MID2: variants seen among roughly 807,000 people sequenced by gnomAD.
MID2 encodes probable E3 ubiquitin-protein ligase MID2.
A neutral mutation model predicts 46.1 loss-of-function variants in MID2; 13 were observed. The observed-to-expected ratio is 0.28, with a 90% CI of 0.18 to 0.45. MID2 has a LOEUF of 0.45. Among genes scored for constraint, MID2 ranks in the 20% least tolerant of loss-of-function variants. The probability of loss-of-function intolerance (pLI) is 1.00; values close to 1 mark genes in which losing one functional copy is unlikely to be tolerated. For missense variants in MID2, 431 were observed against 575.4 expected (o/e 0.75, Z 2.57); for synonymous variants, 199 against 212.3 (o/e 0.94, Z 0.55).
At position 107,825,967 on chromosome X, in the gene MID2, G is replaced by A. The variant is rs967837843; in HGVS notation, c.-460G>A. 7.5e-6 allele frequency: 2 copies of A among 266,939 alleles called. No individual in the cohort carries two copies. The highest frequency in any genetic ancestry group is 1.3e-5 in the Non-Finnish European group (2 of 151,773). The allele number at this position is 266,939 out of a possible 1,213,427, so 22.0% of individuals were successfully genotyped here. ...GGAAGGTGAGCCTGGGAAGGTGGCCGAGCACCCCTTCTTCTTGGGCCCTTC... is the reference window on the plus strand; with the variant it reads ...GGAAGGTGAGCCTGGGAAGGTGGCCAAGCACCCCTTCTTCTTGGGCCCTTC... On this transcript the variant is annotated 5_prime_UTR_variant, in exon 1 of 10. Transcript: ENST00000262843.
At chrX:107,885,486 G>A (rs1283048170) in intron 3 of MID2, among the ~76,000 whole-genome samples, 1 of 111,446 alleles carries the variant, frequency 9.0e-6, no homozygotes, top group Non-Finnish European at 1.9e-5. Flanking sequence ...ATTCCGTGGT[G>A]TATATGTGCC....
chrX:107,861,855 T>C (rs1931862627), intron 3 of MID2, among the ~76,000 whole-genome samples: 1 of 111,881 alleles, frequency 8.9e-6, no homozygotes, highest in African/African-American at 3.3e-5. Flanking sequence ...TGTCCAGCTT[T>C]ATCTCCAACC....
rs770631387 is a variant in MID2 at position 107,854,674 on chromosome X, C to A, written c.786C>A (p.Ala262=). The A allele has an allele frequency of 3.3e-6, 4 of 1,206,795 alleles. No individual in the cohort carries two copies. The African/African-American group carries it at 7.0e-5, about 21-fold the overall frequency. The change falls in exon 3 of 10, where the codon GCC becomes GCA. Residue 262 remains alanine, a synonymous_variant. Coordinates refer to ENST00000262843, the MANE Select transcript of MID2 (RefSeq NM_012216.4). The part of the protein sequence containing the change: ...KRNSELENQM[A]KLIQICQQVE... Reference sequence around the variant, plus strand: ...ACAGCGAACTAGAAAATCAAATGGCCAAACTAATACAGATCTGCCAGCAGG... The same window carrying A: ...ACAGCGAACTAGAAAATCAAATGGCAAAACTAATACAGATCTGCCAGCAGG...
chrX:107,858,863 G>A (rs754323119), intron 3 of MID2, among the ~76,000 whole-genome samples: 1 of 112,086 alleles, frequency 8.9e-6, no homozygotes, highest in Non-Finnish European at 1.9e-5. Flanking sequence ...GAAGCTCCAT[G>A]GGCAGGTTGA....
intron 7 of MID2, among the ~76,000 whole-genome samples, chrX:107,921,246 G>C (rs1376395542): frequency 3.6e-5 from 4 of 110,794 alleles, no homozygotes; most frequent in East Asian, 5.6e-4. Flanking sequence ...TCATTATACT[G>C]TTCCTTATTT....
intron 5 of MID2, among the ~76,000 whole-genome samples, chrX:107,908,169 C>T (rs964217617): frequency 8.9e-6 from 1 of 112,193 alleles, no homozygotes; most frequent in Non-Finnish European, 1.9e-5. Context: ...CCTTACATTT[C>T]TAAATAACAT....
chrX:107,895,218 G>C (rs954628663), intron 3 of MID2: 17 of 106,830 alleles, frequency 1.6e-4, no homozygotes, highest in Admixed American at 1.2e-3. Flanking sequence ...CTTTTTTTGG[G>C]GGGGGGGTGG....
intron 1 of MID2, among the ~76,000 whole-genome samples, chrX:107,828,865 T>A (rs1931027642): frequency 8.9e-6 from 1 of 112,283 alleles, no homozygotes; most frequent in Non-Finnish European, 1.9e-5. Flanking sequence ...AAGGGTTCTG[T>A]AAACCCTCAG....
chrX:107,908,016 AGAG>A (rs752420620), intron 5 of MID2, among the ~76,000 whole-genome samples: 3 of 112,226 alleles, frequency 2.7e-5, no homozygotes, highest in South Asian at 7.4e-4. Context: ...CGATGTTCAG[AGAG>A]GTTAAATAAC....
chrX:107,827,122 C>T (rs1406876896), intron 1 of MID2, among the ~76,000 whole-genome samples: 1 of 112,295 alleles, frequency 8.9e-6, no homozygotes, highest in Non-Finnish European at 1.9e-5. Context: ...TAAATAACGG[C>T]GGAGTAGATT....
chrX:107,922,899 TTG>T (rs1403575300), intron 7 of MID2, among the ~76,000 whole-genome samples: 1 of 111,982 alleles, frequency 8.9e-6, no homozygotes, highest in Non-Finnish European at 1.9e-5. Flanking sequence ...GTTTTCCTCT[TTG>T]TATTAAAATC....
At chrX:107,849,996 T>A (rs1486633974) in intron 2 of MID2, among the ~76,000 whole-genome samples, 1 of 112,191 alleles carries the variant, frequency 8.9e-6, no homozygotes, top group Non-Finnish European at 1.9e-5. Context: ...ACTTTGGCTC[T>A]CTTGCTGTCA....
At chrX:107,868,879 A>G (rs941818579) in intron 3 of MID2, among the ~76,000 whole-genome samples, 4 of 111,194 alleles carry the variant, frequency 3.6e-5, no homozygotes, top group Admixed American at 2.9e-4. Flanking sequence ...AACCATGAAA[A>G]TGAATGAATT....
chrX:107,890,631 C>A (rs774624952), intron 3 of MID2, among the ~76,000 whole-genome samples: 1 of 112,130 alleles, frequency 8.9e-6, no homozygotes, highest in Non-Finnish European at 1.9e-5. Flanking sequence ...GAGAACCACT[C>A]CTCTCTTCAA....
rs1932829373 is a variant in MID2 at position 107,905,556 on chromosome X, C to G, written c.1003C>G (p.Gln335Glu). Reference sequence around the variant, plus strand: ...TGAACGGTCAACAGTCCTCATCAACCAAGCTGAGCATATCCTGAAAGAAAA... The same window carrying G: ...TGAACGGTCAACAGTCCTCATCAACGAAGCTGAGCATATCCTGAAAGAAAA... ...CLERSTVLIN[Q>E]AEHILKENDQ... Residue 335 changes from glutamine (Q) to glutamate (E), a missense_variant, in exon 5 of 10, where the codon CAA (glutamine) becomes GAA (glutamate). Coordinates refer to ENST00000262843, the MANE Select transcript of MID2 (RefSeq NM_012216.4). 4 of 1,207,926 alleles carry G rather than the reference C, an allele frequency of 3.3e-6. No individual in the cohort carries two copies. Among genetic ancestry groups the G allele is most frequent in the Non-Finnish European group, 4.5e-6 (4 of 893,003 alleles).
At chrX:107,877,800 G>A (rs1424898792) in intron 3 of MID2, among the ~76,000 whole-genome samples, 1 of 111,223 alleles carries the variant, frequency 9.0e-6, no homozygotes, top group African/African-American at 3.3e-5. Context: ...CTTCAGATCT[G>A]GTTTTCCTTT....
chrX:107,878,376 G>A (rs1468901899), intron 3 of MID2, among the ~76,000 whole-genome samples: 1 of 109,508 alleles, frequency 9.1e-6, no homozygotes, highest in Non-Finnish European at 1.9e-5. Flanking sequence ...AGCTGTTGGG[G>A]TGGGGGTGGG....
At chrX:107,858,428 G>A (rs941671098) in intron 3 of MID2, among the ~76,000 whole-genome samples, 4 of 112,272 alleles carry the variant, frequency 3.6e-5, no homozygotes, top group Admixed American at 2.8e-4. Flanking sequence ...ACCAACAGAT[G>A]AATACTTCCT....
In MID2 at chrX:107,826,311, G is replaced by T. The variant is rs998209183; in HGVS notation, c.-116G>T. 2.3e-6 allele frequency: 2 copies of T among 884,072 alleles called. No homozygotes were observed. Among genetic ancestry groups the T allele is most frequent in the Non-Finnish European group, 3.0e-6 (2 of 675,289 alleles). 72.9% of individuals were successfully genotyped at this position (884,072 alleles called of 1,213,427 possible). A position where few individuals can be genotyped will look rare whatever the true frequency, so the allele number is the denominator to read the frequency against. ...GGCGGCCTACAGTGGTAGCGGCGGC[G>T]GCGGCGACCGGGGCCCGGGAGCTCG... On this transcript the variant is annotated 5_prime_UTR_variant, in exon 1 of 10. Transcript: ENST00000262843.
Sources: gnomAD v4.1 joint callset for allele counts (sites outside exome capture counted in the v4.1 genomes callset) on GRCh38, gnomAD v4.1.1 for gene constraint, MANE v1.5 for transcripts, NCBI Gene and HGNC (gene_info 2026-07-23, HGNC 2026-07-21) for gene names.